HTR7: variants seen among roughly 807,000 people sequenced by gnomAD.
HTR7 encodes the protein 5-HT-7.
A neutral mutation model predicts 34.0 loss-of-function variants in HTR7; 16 were observed. The ratio of observed to expected loss-of-function variants is 0.47; its 90% CI spans 0.32 to 0.71. HTR7 has a LOEUF of 0.71. Ranked by LOEUF, HTR7 falls within the 30% of genes least tolerant of loss-of-function variation. The pLI is 0.04. For missense variants in HTR7, 504 were observed against 625.5 expected (o/e 0.81, Z 2.07); for synonymous variants, 265 against 260.2 (o/e 1.02, Z -0.18).
Position 90,749,272 on chromosome 10 carries a change from CGATGACGCT to C in HTR7, c.853_861del (p.Ser285_Ile287del). 1 of 1,614,066 alleles carries C rather than the reference CGATGACGCT, an allele frequency of 6.2e-7. No individual in the cohort carries two copies. Among genetic ancestry groups the C allele is most frequent in the Non-Finnish European group, 8.5e-7 (1 of 1,179,992 alleles). Reference sequence around the variant, plus strand: ...TGGAGCTTCACTATGCCATTCAGGGCGATGACGCTGTCTGGCTCCACTCGAGGGAAGCCA... The same window carrying C: ...TGGAGCTTCACTATGCCATTCAGGGCGTCTGGCTCCACTCGAGGGAAGCCA... On this transcript the variant is annotated inframe_deletion, in exon 2 of 4. Transcript: ENST00000336152. This position sits in a 1 kb window ranked among gnomAD's most constrained non-coding sequence, Gnocchi z 4.2.
chr10:90,759,816 G>C (rs1353345041), intron 1 of HTR7, among the ~76,000 whole-genome samples: 1 of 152,150 alleles, frequency 6.6e-6, no homozygotes, highest in Non-Finnish European at 1.5e-5. Flanking sequence ...AGGAGCTGGG[G>C]GGAAGCAAGG....
intron 1 of HTR7, among the ~76,000 whole-genome samples, chr10:90,775,118 G>A (rs1244438561): frequency 1.1e-4 from 17 of 152,178 alleles, no homozygotes; most frequent in Admixed American, 1.1e-3. Context: ...ATATTTTGAT[G>A]TATATCCTTC....
Position 90,742,414 on chromosome 10 carries a change from C to T in HTR7, c.*68G>A. On this transcript the variant is annotated 3_prime_UTR_variant, in exon 4 of 4. Coordinates refer to ENST00000336152, the MANE Select transcript of HTR7 (RefSeq NM_019859.4). Reference sequence around the variant, plus strand: ...GAAGCTGCATTCCATTCTGCAGACTCAGCAAATGACTTCCTTCTGTTTCCA... The same window carrying T: ...GAAGCTGCATTCCATTCTGCAGACTTAGCAAATGACTTCCTTCTGTTTCCA... 2 of 1,226,728 alleles carry T rather than the reference C, an allele frequency of 1.6e-6. No individual in the cohort carries two copies. The highest frequency in any genetic ancestry group is 2.4e-6 in the Non-Finnish European group (2 of 847,046). 76.0% of individuals were successfully genotyped at this position (1,226,728 alleles called of 1,614,324 possible). A position where few individuals can be genotyped will look rare whatever the true frequency, so the allele number is the denominator to read the frequency against.
chr10:90,761,630 A>ATGTGTG (rs1308585033), intron 1 of HTR7, among the ~76,000 whole-genome samples: 1 of 105,150 alleles, frequency 9.5e-6, no homozygotes, highest in Non-Finnish European at 1.8e-5. Flanking sequence ...TTTTGTGTGT[A>ATGTGTG]TGCGTGTGTG....
chr10:90,830,529 G>GT (rs1846151185), intron 1 of HTR7, among the ~76,000 whole-genome samples: 1 of 152,210 alleles, frequency 6.6e-6, no homozygotes, highest in South Asian at 2.1e-4. Flanking sequence ...GCTCACGCCT[G>GT]TAATTCTAGC....
At chr10:90,787,080 C>T (rs1361845289) in intron 1 of HTR7, among the ~76,000 whole-genome samples, 1 of 152,196 alleles carries the variant, frequency 6.6e-6, no homozygotes, top group African/African-American at 2.4e-5. Flanking sequence ...TTCCACACAT[C>T]ACTCACTCAG....
chr10:90,818,900 T>G (rs1217366643), intron 1 of HTR7, among the ~76,000 whole-genome samples: 1 of 152,168 alleles, frequency 6.6e-6, no homozygotes, highest in Non-Finnish European at 1.5e-5. Context: ...TCTGGTTGTT[T>G]AAAGGTATGC....
In HTR7 at chr10:90,855,013, C is replaced by G. The variant is rs1242297482; in HGVS notation, c.539+2120G>C. ...CAGAAATAATATATTTTCCTTTTTTCTCATTTTTAGTTCTCAGTGTTCTTG... is the reference window on the plus strand; with the variant it reads ...CAGAAATAATATATTTTCCTTTTTTGTCATTTTTAGTTCTCAGTGTTCTTG... On this transcript the variant is annotated intron_variant, in intron 1 of 3. Coordinates refer to ENST00000336152, the MANE Select transcript of HTR7 (RefSeq NM_019859.4). Among the ~76,000 whole-genome samples, 5 of 151,912 alleles carry G rather than the reference C, an allele frequency of 3.3e-5. No homozygotes were observed. The East Asian group carries it at 9.6e-4, about 29-fold the overall frequency.
intron 1 of HTR7, among the ~76,000 whole-genome samples, chr10:90,850,789 G>C (rs1316921104): frequency 1.3e-5 from 2 of 152,088 alleles, no homozygotes; most frequent in African/African-American, 2.4e-5. Context: ...TAGTAGAAGA[G>C]ACAATTAACA....
chr10:90,807,273 G>A lies in HTR7; in HGVS notation c.539+49860C>T, dbSNP rs112327638. Among the ~76,000 whole-genome samples, 227 of 152,242 alleles carry A rather than the reference G, an allele frequency of 1.5e-3. 2 individuals carry two copies. The highest frequency in any genetic ancestry group is 5.3e-3 in the African/African-American group (219 of 41,556). On this transcript the variant is annotated intron_variant, in intron 1 of 3. Transcript: ENST00000336152. Reference sequence around the variant, plus strand: ...AGAAAGAAATTATTGGGCTGGGCACGGTGGATCACACCTATTGTCAGGCCT... The same window carrying A: ...AGAAAGAAATTATTGGGCTGGGCACAGTGGATCACACCTATTGTCAGGCCT...
intron 1 of HTR7, among the ~76,000 whole-genome samples, chr10:90,770,060 G>A (rs952347875): frequency 2.6e-5 from 4 of 152,228 alleles, no homozygotes; most frequent in Non-Finnish European, 4.4e-5. Context: ...CCACCCTTGC[G>A]CAGCCAGACG....
At chr10:90,818,284 G>A (rs1308521533) in intron 1 of HTR7, among the ~76,000 whole-genome samples, 1 of 152,206 alleles carries the variant, frequency 6.6e-6, no homozygotes. Flanking sequence ...TGCAACTGGT[G>A]CAGTGGCTCA....
At chr10:90,828,570 T>A (rs181080615) in intron 1 of HTR7, among the ~76,000 whole-genome samples, 10 of 152,076 alleles carry the variant, frequency 6.6e-5, no homozygotes, top group African/African-American at 2.4e-4. Flanking sequence ...AGGCTTAATA[T>A]GCCACTAAAT....
intron 1 of HTR7, among the ~76,000 whole-genome samples, chr10:90,819,868 ATCT>A (rs1318894977): frequency 6.6e-6 from 1 of 152,106 alleles, no homozygotes; most frequent in Admixed American, 6.5e-5. Context: ...AAAAAAGAAC[ATCT>A]TTTAAATGTC....
chr10:90,836,308 A>G (rs1846251326), intron 1 of HTR7, among the ~76,000 whole-genome samples: 1 of 152,158 alleles, frequency 6.6e-6, no homozygotes, highest in Non-Finnish European at 1.5e-5. Flanking sequence ...GAGAGTCAGA[A>G]AGAACATCAG....
intron 1 of HTR7, among the ~76,000 whole-genome samples, chr10:90,836,522 T>A (rs1245557638): frequency 6.6e-6 from 1 of 152,068 alleles, no homozygotes; most frequent in East Asian, 1.9e-4. Flanking sequence ...AAAATTTTTT[T>A]AAAATTTGAG....
intron 1 of HTR7, among the ~76,000 whole-genome samples, chr10:90,856,404 G>C (rs1179043763): frequency 6.6e-6 from 1 of 152,132 alleles, no homozygotes; most frequent in Non-Finnish European, 1.5e-5. Context: ...GACACCCAAG[G>C]CAGGAATTTT....
intron 1 of HTR7, among the ~76,000 whole-genome samples, chr10:90,844,574 A>C (rs1431226907): frequency 2.0e-5 from 3 of 151,454 alleles, no homozygotes; most frequent in Admixed American, 6.6e-5. Flanking sequence ...AAATACAAAA[A>C]AAATTAGCCG....
chr10:90,745,547 A>G (rs1304942337), intron 2 of HTR7, among the ~76,000 whole-genome samples: 2 of 152,262 alleles, frequency 1.3e-5, no homozygotes, highest in Non-Finnish European at 2.9e-5. Context: ...AATTATGTGC[A>G]TAAGGACATG....
Sources: gnomAD v4.1 joint callset for allele counts (sites outside exome capture counted in the v4.1 genomes callset) on GRCh38, gnomAD v4.1.1 for gene constraint, Gnocchi (gnomAD v3.1) non-coding constraint, MANE v1.5 for transcripts, NCBI Gene and HGNC (gene_info 2026-07-23, HGNC 2026-07-21) for gene names.